The following ZFP64 variants were observed in gnomAD, a reference collection of about 807,000 sequenced individuals.
ZFP64 encodes the protein zinc finger protein 64.
In ZFP64, 14 loss-of-function variants were observed where a neutral mutation model predicts 51.6. The observed-to-expected ratio is 0.27, with a 90% CI of 0.18 to 0.42. The LOEUF (loss-of-function observed/expected upper bound fraction) is 0.42, where lower values mean the gene tolerates loss of function less well. ZFP64 is among the 10% of genes least tolerant of loss of function. ZFP64 has a pLI of 1.00. For synonymous variants in ZFP64, 375 were observed against 361.4 expected (o/e 1.04, Z -0.43); for missense variants, 754 against 906.8 (o/e 0.83, Z 2.16).
intron 2 of ZFP64, among the ~76,000 whole-genome samples, chr20:52,178,113 T>A (rs1221616097): frequency 1.3e-5 from 2 of 152,010 alleles, no homozygotes; most frequent in Non-Finnish European, 2.9e-5. Flanking sequence ...ACTCCCTGGC[T>A]GGTTCAGATT....
chr20:52,148,858 A>T (rs1980654154), downstream of ZFP64, among the ~76,000 whole-genome samples: 1 of 152,260 alleles, frequency 6.6e-6, no homozygotes, highest in Non-Finnish European at 1.5e-5. Context: ...AAGCGACAGA[A>T]GAATCTAACT....
At chr20:52,104,333 G>A (rs538617910) in intron 5 of ZFP64, among the ~76,000 whole-genome samples, 2 of 152,272 alleles carry the variant, frequency 1.3e-5, no homozygotes, top group African/African-American at 2.4e-5. Context: ...GGAGGATCCC[G>A]GGACGAGAAA....
At chr20:52,162,078 ACT>A (rs1441556289) in intron 4 of ZFP64, among the ~76,000 whole-genome samples, 1 of 151,640 alleles carries the variant, frequency 6.6e-6, no homozygotes. Context: ...CAGGCAGATC[ACT>A]TGAGGTCAGG....
Position 52,187,045 on chromosome 20 carries a change from C to A in ZFP64, c.73G>T (p.Glu25Ter), listed in dbSNP as rs769604362. The A allele has an allele frequency of 6.2e-7, 1 of 1,610,410 alleles. No homozygotes were observed. The highest frequency in any genetic ancestry group is 8.5e-7 in the Non-Finnish European group (1 of 1,176,912). ...QIPGGTTVLVELTPDIHICGI... is the reference protein window; with the variant it reads ...QIPGGTTVLV ...CAGATATGGATGTCGGGAGTCAGCT[C>A]CACCAGCACCGTTGTGCCACCTGGA... is the stretch of plus-strand genomic sequence containing the variant. Residue 25 changes from glutamate (E) to a stop codon, truncating the protein, a stop_gained, in exon 2 of 6, where the codon GAG becomes TAG. Coordinates refer to ENST00000216923, the MANE Select transcript of ZFP64 (RefSeq NM_018197.3). LOFTEE classifies it high-confidence loss of function.
intron 5 of ZFP64, among the ~76,000 whole-genome samples, chr20:52,144,578 C>CAAAAAAAAAAAAAAAAAAAAAAAAAAAAA (rs1156545584): frequency 2.6e-4 from 6 of 23,322 alleles, no homozygotes; most frequent in Admixed American, 7.6e-4. Context: ...GACTCCGTCT[C>CAAAAAAAAAAAAAAAAAAAAAAAAAAAAA]AAAAAAAAAA....
chr20:52,091,851 G>C (rs139498959), intron 7 of ZFP64, among the ~76,000 whole-genome samples: 1 of 112,278 alleles, frequency 8.9e-6, no homozygotes, highest in Non-Finnish European at 2.1e-5. Context: ...TTAGCTAGAC[G>C]TGGTGGCACA....
At chr20:52,129,534 C>T (rs1232165445) in intron 5 of ZFP64, among the ~76,000 whole-genome samples, 5 of 152,164 alleles carry the variant, frequency 3.3e-5, no homozygotes, top group Non-Finnish European at 5.9e-5. Flanking sequence ...TCTTTCCAGA[C>T]TGCCCTAACG....
chr20:52,180,923 TTTTTTA>T (rs1306872165), intron 2 of ZFP64, among the ~76,000 whole-genome samples: 2 of 152,146 alleles, frequency 1.3e-5, no homozygotes, highest in Non-Finnish European at 2.9e-5. Context: ...CCCTGTTTAT[TTTTTTA>T]TTTTTATTTA....
chr20:52,111,850 G>C (rs1354341146), intron 5 of ZFP64, among the ~76,000 whole-genome samples: 1 of 151,958 alleles, frequency 6.6e-6, no homozygotes, highest in Non-Finnish European at 1.5e-5. Context: ...GGGAGGCTGA[G>C]GCGGGTGGAT....
chr20:52,167,085 G>C (rs2123039180), intron 2 of ZFP64, among the ~76,000 whole-genome samples: 1 of 152,248 alleles, frequency 6.6e-6, no homozygotes, highest in Middle Eastern at 3.4e-3. Flanking sequence ...AGCAGTTTGG[G>C]AGGCTGAGGC....
In ZFP64 at chr20:52,175,049, T is replaced by A. The variant is rs1983071703; in HGVS notation, c.287-9024A>T. On this transcript the variant is annotated intron_variant, in intron 2 of 5. Coordinates refer to ENST00000216923, the MANE Select transcript of ZFP64 (RefSeq NM_018197.3). ...CTTCCTGTTTATTCTATTAGCTCAT[T>A]TTTTCTATTGGAATTTTAATTTTTT... Among the ~76,000 whole-genome samples the A allele has an allele frequency of 2.0e-5, 3 of 152,204 alleles. No individual in the cohort carries two copies. The South Asian group carries it at 6.2e-4, about 32-fold the overall frequency.
intron 7 of ZFP64, chr20:52,097,337 T>C (rs753767353): frequency 6.3e-7 from 1 of 1,599,838 alleles, no homozygotes; most frequent in Non-Finnish European, 8.5e-7. Context: ...ACGTCCCATC[T>C]TTCTTACTGA....
chr20:52,180,268 T>A lies in ZFP64; in HGVS notation c.286+6564A>T, dbSNP rs6091467. 8.5e-3 allele frequency among the ~76,000 whole-genome samples: 1,293 copies of A among 152,272 alleles called. 23 individuals carry two copies. Among genetic ancestry groups the A allele is most frequent in the African/African-American group, 0.029 (1,220 of 41,554 alleles). On this transcript the variant is annotated intron_variant, in intron 2 of 5. Transcript: ENST00000216923. ...CCACAGGCCCTCTCCCTCTCTATCG[T>A]AATATGTGCTGCTGCAAACGCCACC...
At chr20:52,084,426 G>A (rs2078842062) in exon 9 of ZFP64, 3 of 855,620 alleles carry the variant, frequency 3.5e-6, no homozygotes, top group Non-Finnish European at 5.3e-6. Context: ...CGCCTCTGAA[G>A]GCCTGTGAAG....
At chr20:52,121,317 C>T (rs1979180662) in intron 5 of ZFP64, among the ~76,000 whole-genome samples, 2 of 152,172 alleles carry the variant, frequency 1.3e-5, no homozygotes, top group South Asian at 4.1e-4. Flanking sequence ...TTGAGTCCAA[C>T]AGCCAAGTCA....
chr20:52,153,433 C>G lies in ZFP64; in HGVS notation c.764-5G>C, dbSNP rs767049027. 8 of 1,610,746 alleles carry G rather than the reference C, an allele frequency of 5.0e-6. No homozygotes were observed. The highest frequency in any genetic ancestry group is 6.8e-6 in the Non-Finnish European group (8 of 1,177,858). On this transcript the variant is annotated splice_region_variant and splice_polypyrimidine_tract_variant and intron_variant, in intron 5 of 5. Coordinates refer to ENST00000216923, the MANE Select transcript of ZFP64 (RefSeq NM_018197.3). The surrounding 1 kb of genome is among the most constrained non-coding windows in gnomAD (Gnocchi z 5.1). ...AGCACTGGAAGGGGGCGTCCCCTGT[C>G]AACACAAGGTGAGTTTCGATAAGAA...
intron 5 of ZFP64, among the ~76,000 whole-genome samples, chr20:52,111,511 A>G (rs1479219225): frequency 6.6e-6 from 1 of 150,844 alleles, no homozygotes; most frequent in Non-Finnish European, 1.5e-5. Flanking sequence ...CACCTTGCCC[A>G]GAATCCGATT....
At chr20:52,122,568 T>G (rs1180954403) in intron 5 of ZFP64, among the ~76,000 whole-genome samples, 2 of 152,074 alleles carry the variant, frequency 1.3e-5, no homozygotes, top group African/African-American at 2.4e-5. Context: ...AGTGATTCCT[T>G]TGATGAATTT....
chr20:52,125,256 G>A (rs1317109041), intron 5 of ZFP64, among the ~76,000 whole-genome samples: 1 of 152,310 alleles, frequency 6.6e-6, no homozygotes, highest in African/African-American at 2.4e-5. Flanking sequence ...ATTGATCAAT[G>A]AAACCAGGGT....
Sources: gnomAD v4.1 joint callset for allele counts (sites outside exome capture counted in the v4.1 genomes callset) on GRCh38, gnomAD v4.1.1 for gene constraint, Gnocchi (gnomAD v3.1) non-coding constraint, MANE v1.5 for transcripts, NCBI Gene and HGNC (gene_info 2026-07-23, HGNC 2026-07-21) for gene names.